PRKN: variants seen among roughly 807,000 people sequenced by gnomAD.
PRKN encodes E3 ubiquitin-protein ligase parkin.
PRKN carries 56 observed loss-of-function variants against 59.5 expected under a neutral mutation model. That is an observed-to-expected ratio of 0.94 (90% CI 0.76 to 1.18). The LOEUF is 1.18. Among genes scored for constraint, PRKN ranks in the 50% most tolerant of loss-of-function variants. The pLI is 0.00. For missense variants in PRKN, 657 were observed against 596.4 expected (o/e 1.10, Z -1.06); for synonymous variants, 250 against 222.1 (o/e 1.13, Z -1.12).
chr6:162,593,593 C>T (rs1405972445), intron 1 of PRKN, among the ~76,000 whole-genome samples: 1 of 152,140 alleles, frequency 6.6e-6, no homozygotes, highest in Non-Finnish European at 1.5e-5. Flanking sequence ...GACCAGATCT[C>T]TTGCCTTCAA....
At chr6:161,494,518 T>C (rs1049162475) in intron 9 of PRKN, among the ~76,000 whole-genome samples, 1 of 152,226 alleles carries the variant, frequency 6.6e-6, no homozygotes, top group Non-Finnish European at 1.5e-5. Context: ...AATGATGCTT[T>C]TTCCTTCAAA....
At chr6:161,880,542 T>C (rs1245896543) in intron 6 of PRKN, among the ~76,000 whole-genome samples, 1 of 152,188 alleles carries the variant, frequency 6.6e-6, no homozygotes. Flanking sequence ...ACCTTATACA[T>C]GTCCCCGGAA....
chr6:162,487,051 TAG>T (rs1562323223), intron 1 of PRKN, among the ~76,000 whole-genome samples: 1 of 151,492 alleles, frequency 6.6e-6, no homozygotes. Flanking sequence ...GCCTGGGCAA[TAG>T]AGTGAGACTC....
At chr6:162,397,666 T>G (rs1213413026) in intron 2 of PRKN, among the ~76,000 whole-genome samples, 2 of 152,208 alleles carry the variant, frequency 1.3e-5, no homozygotes, top group Non-Finnish European at 2.9e-5. Flanking sequence ...TTTCCTGCAC[T>G]GTCACCGCTG....
At chr6:161,923,370 C>G (rs750608969) in intron 6 of PRKN, among the ~76,000 whole-genome samples, 3 of 152,162 alleles carry the variant, frequency 2.0e-5, no homozygotes, top group Non-Finnish European at 2.9e-5. Context: ...GTAGTCCCAG[C>G]TACCAGGGAG....
At position 161,390,163 on chromosome 6, in the gene PRKN, G is replaced by A. The variant is rs1454945612; in HGVS notation, c.1084-3286C>T. 6.6e-6 allele frequency among the ~76,000 whole-genome samples: 1 copy of A among 152,204 alleles called. No homozygotes were observed. The highest frequency in any genetic ancestry group is 1.5e-5 in the Non-Finnish European group (1 of 68,052). On this transcript the variant is annotated intron_variant, in intron 9 of 11. Coordinates refer to ENST00000366898, the MANE Select transcript of PRKN (RefSeq NM_004562.3). The surrounding 1 kb of genome is among the most constrained non-coding windows in gnomAD (Gnocchi z 7.0). Reference sequence around the variant, plus strand: ...ATGTGCAATGTAGAAGGTCTGATTTGATCTTGAAAATGTTTGGGTTTTCAA... The same window carrying A: ...ATGTGCAATGTAGAAGGTCTGATTTAATCTTGAAAATGTTTGGGTTTTCAA...
rs1562393588 is a variant in PRKN at position 161,360,234 on chromosome 6, A to G, written c.1168-29T>C. On this transcript the variant is annotated intron_variant, in intron 10 of 11. Coordinates refer to ENST00000366898, the MANE Select transcript of PRKN (RefSeq NM_004562.3). The surrounding 1 kb of genome is among the most constrained non-coding windows in gnomAD (Gnocchi z 5.1). Reference sequence around the variant, plus strand: ...GGGAAACAAAGAGGAAAGGCGTTTAATCTCAGCTTTCTATTACTGGGATCA... The same window carrying G: ...GGGAAACAAAGAGGAAAGGCGTTTAGTCTCAGCTTTCTATTACTGGGATCA... 6.6e-7 allele frequency: 1 copy of G among 1,517,686 alleles called. No individual in the cohort carries two copies. Among genetic ancestry groups the G allele is most frequent in the African/African-American group, 1.4e-5 (1 of 73,316 alleles). 94.0% of individuals were successfully genotyped at this position (1,517,686 alleles called of 1,614,324 possible).
intron 4 of PRKN, among the ~76,000 whole-genome samples, chr6:162,164,011 T>G (rs1339856797): frequency 6.7e-6 from 1 of 149,054 alleles, no homozygotes; most frequent in Non-Finnish European, 1.5e-5. Flanking sequence ...AGATGATTTA[T>G]GTGAAAGGAC....
chr6:161,567,841 CT>C (rs1359424965), intron 8 of PRKN, among the ~76,000 whole-genome samples: 1 of 152,168 alleles, frequency 6.6e-6, no homozygotes, highest in South Asian at 2.1e-4. Flanking sequence ...ACTCCATTAT[CT>C]GAGCAGAATT....
chr6:162,425,277 G>A (rs897226467), intron 2 of PRKN, among the ~76,000 whole-genome samples: 1 of 152,106 alleles, frequency 6.6e-6, no homozygotes, highest in African/African-American at 2.4e-5. Context: ...TTAAAACTAT[G>A]GTGAAGAGAC....
At chr6:161,598,491 A>T (rs1781995652) in intron 7 of PRKN, among the ~76,000 whole-genome samples, 1 of 152,234 alleles carries the variant, frequency 6.6e-6, no homozygotes, top group Non-Finnish European at 1.5e-5. Flanking sequence ...TCTGCATTTA[A>T]GCATTCTGAA....
intron 9 of PRKN, among the ~76,000 whole-genome samples, chr6:161,476,771 CTT>C (rs1211832607): frequency 1.3e-5 from 2 of 152,206 alleles, no homozygotes; most frequent in African/African-American, 4.8e-5. Flanking sequence ...TTTCTACACT[CTT>C]TGGCTCTGAC....
chr6:161,988,968 T>C (rs1781542861), intron 5 of PRKN, among the ~76,000 whole-genome samples: 1 of 152,232 alleles, frequency 6.6e-6, no homozygotes, highest in East Asian at 1.9e-4. Context: ...CTTTAAGTTT[T>C]AGGGTACAAG....
At chr6:161,672,372 T>A (rs1384794189) in intron 7 of PRKN, among the ~76,000 whole-genome samples, 1 of 152,254 alleles carries the variant, frequency 6.6e-6, no homozygotes, top group South Asian at 2.1e-4. Context: ...TTAATAACTA[T>A]AAATAATGTA....
intron 1 of PRKN, among the ~76,000 whole-genome samples, chr6:162,654,341 CA>C (rs1248919888): frequency 2.3e-4 from 35 of 152,220 alleles, no homozygotes; most frequent in Admixed American, 1.7e-3. Flanking sequence ...CCATTTCATA[CA>C]AAGGAAAACT....
chr6:161,382,692 T>C (rs948343559), intron 10 of PRKN, among the ~76,000 whole-genome samples: 1 of 152,242 alleles, frequency 6.6e-6, no homozygotes, highest in African/African-American at 2.4e-5. Flanking sequence ...TGATCTTCTG[T>C]CACTGCTTTC....
chr6:162,712,016 T>C (rs1016705497), intron 1 of PRKN, among the ~76,000 whole-genome samples: 5 of 152,322 alleles, frequency 3.3e-5, no homozygotes, highest in Admixed American at 6.5e-5. Context: ...GGCTTCATCC[T>C]GCTGCTTAGG....
chr6:162,501,375 T>C (rs1461557929), intron 1 of PRKN, among the ~76,000 whole-genome samples: 1 of 148,574 alleles, frequency 6.7e-6, no homozygotes, highest in Non-Finnish European at 1.5e-5. Context: ...TGAGACACAG[T>C]TTAACTCTGT....
intron 2 of PRKN, among the ~76,000 whole-genome samples, chr6:162,427,596 C>T (rs1048126378): frequency 6.6e-6 from 1 of 151,610 alleles, no homozygotes; most frequent in Non-Finnish European, 1.5e-5. Context: ...AGTTTAAAAG[C>T]ATGCAAATTA....
Sources: allele counts gnomAD v4.1 joint callset (sites outside exome capture counted in the v4.1 genomes callset), GRCh38; gene constraint gnomAD v4.1.1; non-coding constraint Gnocchi (gnomAD v3.1); transcripts MANE v1.5; gene names NCBI Gene and HGNC (gene_info 2026-07-23, HGNC 2026-07-21).